RASEF: variants seen among roughly 807,000 people sequenced by gnomAD.
The protein encoded by RASEF is ras and EF-hand domain-containing protein.
A neutral mutation model predicts 90.1 loss-of-function variants in RASEF; 68 were observed. That is an observed-to-expected ratio of 0.75 (90% confidence interval 0.62 to 0.92). The LOEUF (loss-of-function observed/expected upper bound fraction) is 0.92, where lower values mean the gene tolerates loss of function less well. Among genes scored for constraint, RASEF ranks in the 40% least tolerant of loss-of-function variants. RASEF has a pLI of 0.00. For synonymous variants in RASEF, 331 were observed against 345.2 expected (o/e 0.96, Z 0.46); for missense variants, 949 against 937.2 (o/e 1.01, Z -0.16).
the RASEF span, among the ~76,000 whole-genome samples, chr9:83,071,332 T>C: frequency 2.6e-5 from 4 of 152,134 alleles, no homozygotes; most frequent in Non-Finnish European, 5.9e-5. Flanking sequence ...TTATCATGAG[T>C]GGATTTTGTA....
chr9:83,165,368 C>G, the RASEF span, among the ~76,000 whole-genome samples: 1 of 152,000 alleles, frequency 6.6e-6, no homozygotes, highest in African/African-American at 2.4e-5. Flanking sequence ...CAGGAAATCC[C>G]AAGTCTCAGA....
the RASEF span, among the ~76,000 whole-genome samples, chr9:83,182,976 T>C: frequency 6.6e-6 from 1 of 152,006 alleles, no homozygotes; most frequent in African/African-American, 2.4e-5. Flanking sequence ...AGAGTACACA[T>C]AGCTGTTACT....
At chr9:83,144,372 AAAG>A in the RASEF span, among the ~76,000 whole-genome samples, 1 of 75,900 alleles carries the variant, frequency 1.3e-5, no homozygotes, top group African/African-American at 6.6e-5. Flanking sequence ...AGAAAGAAAG[AAAG>A]AAAGAAAGAA....
the RASEF span, among the ~76,000 whole-genome samples, chr9:83,111,754 G>GA: frequency 2.6e-5 from 4 of 151,288 alleles, no homozygotes; most frequent in Non-Finnish European, 4.4e-5. Context: ...TTGAAAAACA[G>GA]AAAAAAATGG....
At chr9:83,215,807 T>C in the RASEF span, among the ~76,000 whole-genome samples, 1 of 152,168 alleles carries the variant, frequency 6.6e-6, no homozygotes, top group Non-Finnish European at 1.5e-5. Context: ...GTTTGGAACT[T>C]CCTAGAGACT....
chr9:83,030,935 C>T (rs1829634522), intron 1 of RASEF, among the ~76,000 whole-genome samples: 1 of 152,112 alleles, frequency 6.6e-6, no homozygotes, highest in Non-Finnish European at 1.5e-5. Context: ...CCTCTTTTCA[C>T]TCTCTCCCAC....
At chr9:83,136,280 T>A in the RASEF span, among the ~76,000 whole-genome samples, 6 of 152,128 alleles carry the variant, frequency 3.9e-5, no homozygotes, top group African/African-American at 7.2e-5. Flanking sequence ...TTAGAATTTA[T>A]TTTATTTGCA....
At chr9:82,984,421 A>C (rs1411808247) in intron 16 of RASEF, among the ~76,000 whole-genome samples, 3 of 152,142 alleles carry the variant, frequency 2.0e-5, no homozygotes, top group African/African-American at 7.2e-5. Context: ...ACCTTTCGAA[A>C]TCCACTGCAC....
chr9:83,150,291 G>A, the RASEF span, among the ~76,000 whole-genome samples: 1 of 152,134 alleles, frequency 6.6e-6, no homozygotes, highest in Non-Finnish European at 1.5e-5. Context: ...GTTTCATCAT[G>A]TAGGTGAGAT....
At chr9:83,045,144 T>C (rs964513699) in intron 1 of RASEF, among the ~76,000 whole-genome samples, 2 of 152,192 alleles carry the variant, frequency 1.3e-5, no homozygotes, top group African/African-American at 4.8e-5. Context: ...ATATGGTATA[T>C]ATATAACACA....
chr9:83,136,821 G>C, the RASEF span, among the ~76,000 whole-genome samples: 1 of 151,782 alleles, frequency 6.6e-6, no homozygotes, highest in Non-Finnish European at 1.5e-5. Flanking sequence ...TAAATTTTAG[G>C]TGTCCTCTTT....
chr9:83,005,753 C>T (rs969556070), intron 7 of RASEF, among the ~76,000 whole-genome samples: 3 of 152,240 alleles, frequency 2.0e-5, no homozygotes, highest in African/African-American at 7.2e-5. Context: ...TGCTGTGGAA[C>T]TCACTCTTCC....
chr9:83,158,628 ATG>A, the RASEF span, among the ~76,000 whole-genome samples: 1 of 136,912 alleles, frequency 7.3e-6, no homozygotes, highest in Non-Finnish European at 1.6e-5. Context: ...ATATGTACAT[ATG>A]TATATATGTA....
chr9:83,116,459 C>A, the RASEF span, among the ~76,000 whole-genome samples: 1 of 152,026 alleles, frequency 6.6e-6, no homozygotes, highest in Non-Finnish European at 1.5e-5. Context: ...TTGCTTTATA[C>A]CTTGGTTTAG....
At chr9:83,082,822 A>G in the RASEF span, among the ~76,000 whole-genome samples, 1 of 152,230 alleles carries the variant, frequency 6.6e-6, no homozygotes, top group Non-Finnish European at 1.5e-5. Flanking sequence ...CAACTGTTAC[A>G]TAAATTATGA....
the RASEF span, among the ~76,000 whole-genome samples, chr9:83,082,548 C>G: frequency 6.6e-6 from 1 of 151,990 alleles, no homozygotes; most frequent in African/African-American, 2.4e-5. Context: ...GGAGACTGAT[C>G]AAAGGGCTTA....
the RASEF span, among the ~76,000 whole-genome samples, chr9:83,188,871 T>C: frequency 3.7e-4 from 57 of 152,284 alleles, no homozygotes; most frequent in South Asian, 0.011. Flanking sequence ...AGGTCTTCCA[T>C]ATCTGTCTGT....
At chr9:83,008,691 T>C (rs1203358503) in intron 6 of RASEF, among the ~76,000 whole-genome samples, 4 of 151,900 alleles carry the variant, frequency 2.6e-5, no homozygotes, top group East Asian at 3.9e-4. Flanking sequence ...TCTTTCTACC[T>C]AGGCTCACCT....
the RASEF span, among the ~76,000 whole-genome samples, chr9:83,120,043 A>T: frequency 8.5e-5 from 13 of 152,230 alleles, no homozygotes; most frequent in Non-Finnish European, 1.6e-4. Context: ...GAAAATCCAC[A>T]GTGACTCATT....
Sources: allele counts gnomAD v4.1 joint callset (sites outside exome capture counted in the v4.1 genomes callset), GRCh38; gene constraint gnomAD v4.1.1; transcripts MANE v1.5; gene names NCBI Gene and HGNC (gene_info 2026-07-23, HGNC 2026-07-21).